Variants in SNCG observed in about 807,000 individuals in gnomAD.
SNCG encodes the protein gamma-synuclein.
A neutral mutation model predicts 16.0 loss-of-function variants in SNCG; 13 were observed. The observed-to-expected ratio is 0.81, with a 90% CI of 0.53 to 1.29. SNCG has a LOEUF of 1.29. Among genes scored for constraint, SNCG ranks in the 50% most tolerant of loss-of-function variants. The pLI, the probability that SNCG is intolerant of heterozygous loss-of-function variation, is 0.00. For missense variants in SNCG, 154 were observed against 168.5 expected (o/e 0.91, Z 0.48); for synonymous variants, 66 against 66.3 (o/e 1.00, Z 0.02).
chr10:86,957,434 C>T, upstream of SNCG: 2 of 1,613,808 alleles, frequency 1.2e-6, no homozygotes, highest in Admixed American at 1.7e-5. Context: ...CCCCAGGTGT[C>T]CTGGAGCTCT....
rs754497488 is a variant in SNCG at position 86,962,960 on chromosome 10, C to A, written c.364-5C>A. ...GCTGGGTGTGCAGGTCATTCTCTCT[C>A]CCAGGCCCAGAGTGGGGGAGACTAG... On this transcript the variant is annotated splice_polypyrimidine_tract_variant and splice_region_variant and intron_variant, in intron 4 of 4. Coordinates refer to ENST00000372017, the MANE Select transcript of SNCG (RefSeq NM_003087.3). 48 of 1,602,212 alleles carry A rather than the reference C, an allele frequency of 3.0e-5. No homozygotes were observed. Among genetic ancestry groups the A allele is most frequent in the Non-Finnish European group, 6.0e-6 (7 of 1,175,492 alleles).
chr10:86,958,936 G>A, intron 1 of SNCG, 118 bp downstream of exon 1: 2 of 1,135,096 alleles, frequency 1.8e-6, no homozygotes, highest in Non-Finnish European at 2.5e-6. Flanking sequence ...GCGAGGCCCT[G>A]GCTATCAAGG....
chr10:86,963,099 CCCT>C lies in SNCG; in HGVS notation c.*116_*118del. ...TGACATGCGGCTGCCCACGCTCCTG[CCCT>C]CGTCTCCCTGGCCACCCTTGGCCTG... On this transcript the variant is annotated 3_prime_UTR_variant, in exon 5 of 5. Transcript: ENST00000372017. 1 of 1,094,876 alleles carries C rather than the reference CCCT, an allele frequency of 9.1e-7. No homozygotes were observed. The highest frequency in any genetic ancestry group is 1.3e-6 in the Non-Finnish European group (1 of 772,450). 67.8% of individuals were successfully genotyped at this position (1,094,876 alleles called of 1,614,324 possible). A position where few individuals can be genotyped will look rare whatever the true frequency, so the allele number is the denominator to read the frequency against.
rs200593639 is a variant in SNCG, at chr10:86,960,138, G to A, written c.291+10G>A. 2.6e-3 allele frequency: 4,114 copies of A among 1,609,340 alleles called. 12 individuals carry two copies. The highest frequency in any genetic ancestry group is 2.9e-3 in the Non-Finnish European group (3,434 of 1,177,280). On this transcript the variant is annotated intron_variant, in intron 3 of 4. Transcript: ENST00000372017. ...CGGGGTGGTGCGCAAGGTGAGCCCC[G>A]GCCCTCAGACCTGCCCAGTCCTCTC...
rs1167194808 is a variant in SNCG at position 86,962,688 on chromosome 10, C to T, written c.363+13C>T. On this transcript the variant is annotated intron_variant, in intron 4 of 4. Coordinates refer to ENST00000372017, the MANE Select transcript of SNCG (RefSeq NM_003087.3). ...AGTGGCAGAGGAGGTAGGAGCTGGG[C>T]TCCTGGGGTGCACCATGGGGGGTTC... is the stretch of plus-strand genomic sequence containing the variant. 1.2e-6 allele frequency: 2 copies of T among 1,602,840 alleles called. No homozygotes were observed. The highest frequency in any genetic ancestry group is 1.3e-5 in the African/African-American group (1 of 74,744).
In SNCG at chr10:86,963,200, C is replaced by T. The variant is rs1243448791; in HGVS notation, c.*215C>T. ...CCACCCTCTGGTCCTTCTGACCCCA[C>T]TTATGCTGCTGTGAATTTTTTTTTT... is the stretch of plus-strand genomic sequence containing the variant. On this transcript the variant is annotated 3_prime_UTR_variant, in exon 5 of 5. Coordinates refer to ENST00000372017, the MANE Select transcript of SNCG (RefSeq NM_003087.3). 1 of 436,516 alleles carries T rather than the reference C, an allele frequency of 2.3e-6. No homozygotes were observed. The highest frequency in any genetic ancestry group is 4.0e-6 in the Non-Finnish European group (1 of 248,348). 27.0% of individuals were successfully genotyped at this position (436,516 alleles called of 1,614,324 possible).
chr10:86,962,535 CT>C (rs1844371836), intron 3 of SNCG, 68 bp from the exon 4 acceptor site: 2 of 1,202,936 alleles, frequency 1.7e-6, no homozygotes, highest in South Asian at 1.3e-5. Flanking sequence ...AGACAAGGCC[CT>C]GGTTGCAGGG....
chr10:86,962,955 T>C lies in SNCG; in HGVS notation c.364-10T>C, dbSNP rs751196156. The C allele has an allele frequency of 1.2e-6, 2 of 1,601,234 alleles. No individual in the cohort carries two copies. Among genetic ancestry groups the C allele is most frequent in the South Asian group, 1.1e-5 (1 of 87,738 alleles). On this transcript the variant is annotated splice_polypyrimidine_tract_variant and intron_variant, in intron 4 of 4. Transcript: ENST00000372017. ...CTGGAGCTGGGTGTGCAGGTCATTCTCTCTCCCAGGCCCAGAGTGGGGGAG... is the reference window on the plus strand; with the variant it reads ...CTGGAGCTGGGTGTGCAGGTCATTCCCTCTCCCAGGCCCAGAGTGGGGGAG...
At chr10:86,958,855 C>G in intron 1 of SNCG, 37 bp downstream of exon 1, 1 of 1,566,764 alleles carries the variant, frequency 6.4e-7, no homozygotes, top group South Asian at 1.2e-5. Flanking sequence ...AGTGTGGTGG[C>G]CAAAGGGTGA....
upstream of SNCG, chr10:86,958,217 T>TAC (rs1337306078): frequency 1.2e-5 from 12 of 960,762 alleles, no homozygotes; most frequent in African/African-American, 2.1e-4. Context: ...CCCTGACCCC[T>TAC]ACCTAGGAAG....
intron 3 of SNCG, among the ~76,000 whole-genome samples, chr10:86,960,641 C>T (rs967431507): frequency 2.0e-5 from 3 of 152,228 alleles, no homozygotes; most frequent in African/African-American, 7.2e-5. Flanking sequence ...CTACCCTCTG[C>T]AGCTGCCTTT....
At chr10:86,960,508 A>T (rs1844325269) in intron 3 of SNCG, among the ~76,000 whole-genome samples, 1 of 152,158 alleles carries the variant, frequency 6.6e-6, no homozygotes, top group South Asian at 2.1e-4. Flanking sequence ...GGGGCTGAGT[A>T]GCACCAGCCC....
At chr10:86,958,498 C>CCCGA, upstream of SNCG, 1 of 595,042 alleles carries the variant, frequency 1.7e-6, no homozygotes, top group Non-Finnish European at 2.4e-6. Context: ...GAACCTCCTT[C>CCCGA]CCTCCCTCCC....
chr10:86,957,448 G>T, upstream of SNCG: 1 of 1,613,794 alleles, frequency 6.2e-7, no homozygotes, highest in Non-Finnish European at 8.5e-7. Context: ...GAGCTCTGCA[G>T]ATCAGAGAGG....
intron 3 of SNCG, among the ~76,000 whole-genome samples, chr10:86,960,659 T>A (rs1434746809): frequency 2.0e-5 from 3 of 152,186 alleles, no homozygotes; most frequent in African/African-American, 7.2e-5. Flanking sequence ...TTTGTGTGTG[T>A]GTGCACGTGT....
intron 1 of SNCG, 129 bp downstream of exon 1, chr10:86,958,947 T>A: frequency 9.6e-7 from 1 of 1,042,424 alleles, no homozygotes; most frequent in Non-Finnish European, 1.4e-6. Flanking sequence ...GCTATCAAGG[T>A]GGGGTCTCCA....
upstream of SNCG, chr10:86,958,395 C>T (rs1844272901): frequency 1.0e-6 from 1 of 985,244 alleles, no homozygotes; most frequent in African/African-American, 1.7e-5. Context: ...CCCCTCCAGC[C>T]CATGGAGGGC....
At position 86,963,167 on chromosome 10, in the gene SNCG, G is replaced by A. The variant is rs1411024948; in HGVS notation, c.*182G>A. 4.1e-5 allele frequency: 20 copies of A among 483,410 alleles called. No homozygotes were observed. In the Admixed American group the frequency reaches 5.8e-4, roughly 14 times the overall value. 29.9% of individuals were successfully genotyped at this position (483,410 alleles called of 1,614,324 possible). On this transcript the variant is annotated 3_prime_UTR_variant, in exon 5 of 5. Coordinates refer to ENST00000372017, the MANE Select transcript of SNCG (RefSeq NM_003087.3). ...TGCACCAACCTCACTGCCCTCCCTC[G>A]GCCCCACCCACCCTCTGGTCCTTCT...
upstream of SNCG, chr10:86,957,358 C>G: frequency 6.2e-7 from 1 of 1,612,008 alleles, no homozygotes; most frequent in Non-Finnish European, 8.5e-7. Context: ...TGACCTCTGC[C>G]AAGGTCCAGG....
Sources: gnomAD v4.1 joint callset for allele counts (sites outside exome capture counted in the v4.1 genomes callset) on GRCh38, gnomAD v4.1.1 for gene constraint, MANE v1.5 for transcripts, NCBI Gene and HGNC (gene_info 2026-07-23, HGNC 2026-07-21) for gene names.